GPC6: variants seen among roughly 807,000 people sequenced by gnomAD.
GPC6 encodes the protein glypican 6, also known as glypican-6.
GPC6 carries 14 observed loss-of-function variants against 55.2 expected under a neutral mutation model. The ratio of observed to expected loss-of-function variants is 0.25; its 90% CI spans 0.17 to 0.40. The LOEUF (loss-of-function observed/expected upper bound fraction) is 0.40, where lower values mean the gene tolerates loss of function less well. GPC6 is among the 10% of genes least tolerant of loss of function. The probability of loss-of-function intolerance (pLI) is 1.00; values close to 1 mark genes in which losing one functional copy is unlikely to be tolerated. For missense variants in GPC6, 641 were observed against 708.5 expected (o/e 0.90, Z 1.08); for synonymous variants, 278 against 259.6 (o/e 1.07, Z -0.68).
chr13:94,261,426 T>C (rs1002706902), intron 4 of GPC6, among the ~76,000 whole-genome samples: 2 of 152,204 alleles, frequency 1.3e-5, no homozygotes, highest in African/African-American at 4.8e-5. Flanking sequence ...CAGGTCATAA[T>C]TGACAAATAC....
intron 2 of GPC6, among the ~76,000 whole-genome samples, chr13:93,670,137 C>T (rs1322875804): frequency 1.3e-5 from 2 of 152,130 alleles, no homozygotes; most frequent in Admixed American, 6.6e-5. Context: ...AGCCAATAAG[C>T]CTGGCCTTAC....
intron 2 of GPC6, among the ~76,000 whole-genome samples, chr13:93,709,146 A>G (rs763058615): frequency 7.9e-5 from 12 of 151,850 alleles, no homozygotes; most frequent in Admixed American, 3.3e-4. Flanking sequence ...TTACTAAAGC[A>G]AGTGCTTCAT....
intron 2 of GPC6, among the ~76,000 whole-genome samples, chr13:93,604,188 G>A (rs960042149): frequency 6.6e-6 from 1 of 152,226 alleles, no homozygotes; most frequent in Non-Finnish European, 1.5e-5. Context: ...CAAAGGGATT[G>A]AAAGGACTCA....
At chr13:93,270,958 A>G (rs1877502672) in intron 1 of GPC6, among the ~76,000 whole-genome samples, 1 of 152,244 alleles carries the variant, frequency 6.6e-6, no homozygotes, top group Non-Finnish European at 1.5e-5. Context: ...AATTTCCAGC[A>G]GAATTTAATA....
intron 6 of GPC6, among the ~76,000 whole-genome samples, chr13:94,329,204 T>C (rs895243538): frequency 6.6e-6 from 1 of 152,206 alleles, no homozygotes; most frequent in African/African-American, 2.4e-5. Flanking sequence ...TCCTCAAGAA[T>C]ATCCAAAAAG....
At chr13:93,825,397 C>T (rs1887195790) in intron 2 of GPC6, among the ~76,000 whole-genome samples, 1 of 152,198 alleles carries the variant, frequency 6.6e-6, no homozygotes, top group Admixed American at 6.5e-5. Context: ...ATCTACTGCT[C>T]AATAGCACAC....
At chr13:93,832,139 A>ATATG (rs1887540369) in intron 3 of GPC6, among the ~76,000 whole-genome samples, 1 of 120,300 alleles carries the variant, frequency 8.3e-6, no homozygotes, top group East Asian at 2.4e-4. Flanking sequence ...ATATATATAT[A>ATATG]TATATAATGT....
At chr13:93,875,526 T>G (rs550909880) in intron 3 of GPC6, among the ~76,000 whole-genome samples, 22 of 152,156 alleles carry the variant, frequency 1.4e-4, no homozygotes, top group African/African-American at 4.8e-4. Context: ...TTAATTACCA[T>G]CCATACCATG....
At chr13:94,260,834 G>A (rs1891635831) in intron 4 of GPC6, among the ~76,000 whole-genome samples, 1 of 152,128 alleles carries the variant, frequency 6.6e-6, no homozygotes, top group African/African-American at 2.4e-5. Context: ...TGGGTTGAAG[G>A]GAGGAAGGGC....
At chr13:93,260,332 C>T (rs1253073658) in intron 1 of GPC6, among the ~76,000 whole-genome samples, 1 of 151,970 alleles carries the variant, frequency 6.6e-6, no homozygotes, top group African/African-American at 2.4e-5. Context: ...TTTATTAATA[C>T]CATTCATTTT....
intron 1 of GPC6, among the ~76,000 whole-genome samples, chr13:93,443,486 C>T (rs574289780): frequency 5.3e-5 from 8 of 152,208 alleles, no homozygotes; most frequent in African/African-American, 9.6e-5. Flanking sequence ...GCATAATGCT[C>T]GTAATTGGGT....
intron 4 of GPC6, among the ~76,000 whole-genome samples, chr13:94,254,606 G>A (rs947319438): frequency 6.6e-6 from 1 of 152,012 alleles, no homozygotes; most frequent in African/African-American, 2.4e-5. Context: ...ACTTTAGAAT[G>A]ATTGGGAGTA....
At chr13:93,460,532 T>G (rs1409375324) in intron 1 of GPC6, among the ~76,000 whole-genome samples, 1 of 152,202 alleles carries the variant, frequency 6.6e-6, no homozygotes, top group Non-Finnish European at 1.5e-5. Flanking sequence ...AATCATTTTC[T>G]ACTTGATGAA....
chr13:93,438,416 A>G (rs964969036), intron 1 of GPC6, among the ~76,000 whole-genome samples: 2 of 152,174 alleles, frequency 1.3e-5, no homozygotes, highest in Non-Finnish European at 2.9e-5. Flanking sequence ...TAAGAACATT[A>G]ATGATTTATG....
intron 2 of GPC6, among the ~76,000 whole-genome samples, chr13:93,720,943 C>T (rs1883435625): frequency 6.6e-6 from 1 of 151,666 alleles, no homozygotes; most frequent in African/African-American, 2.4e-5. Context: ...GTTATGATTT[C>T]CATTCTTCTG....
chr13:94,105,266 G>C (rs1320523515), intron 4 of GPC6, among the ~76,000 whole-genome samples: 5 of 152,142 alleles, frequency 3.3e-5, no homozygotes, highest in African/African-American at 9.7e-5. Context: ...GTCTGAGATG[G>C]GAGGATTGCC....
rs990936521 is a variant in GPC6 at position 93,653,931 on chromosome 13, C to G, written c.319+108510C>G. On this transcript the variant is annotated intron_variant, in intron 2 of 8. Transcript: ENST00000377047. ...AGTCATGCAACATCACACTTTTATC[C>G]GCCTAGAGAAGCGGAAATCTGTTTT... Among the ~76,000 whole-genome samples the G allele has an allele frequency of 2.4e-4, 36 of 152,124 alleles. 1 individual carries two copies. Among genetic ancestry groups the G allele is most frequent in the Non-Finnish European group, 8.8e-5 (6 of 68,030 alleles).
At chr13:94,374,194 G>A (rs1177853813) in intron 6 of GPC6, among the ~76,000 whole-genome samples, 1 of 149,104 alleles carries the variant, frequency 6.7e-6, no homozygotes, top group East Asian at 2.0e-4. Context: ...ATAATGACAG[G>A]ATCAAATTCA....
intron 4 of GPC6, among the ~76,000 whole-genome samples, chr13:94,035,627 A>G (rs1358986769): frequency 6.6e-6 from 1 of 152,094 alleles, no homozygotes; most frequent in Non-Finnish European, 1.5e-5. Context: ...GATTACTTTA[A>G]AAGTCTCAAG....
Sources: allele counts gnomAD v4.1 joint callset (sites outside exome capture counted in the v4.1 genomes callset), GRCh38; gene constraint gnomAD v4.1.1; transcripts MANE v1.5; gene names NCBI Gene and HGNC (gene_info 2026-07-23, HGNC 2026-07-21).